The following SYT16 variants were observed in gnomAD, a reference collection of about 807,000 sequenced individuals.
SYT16 encodes the protein synaptotagmin-16.
A neutral mutation model predicts 61.4 loss-of-function variants in SYT16; 42 were observed. That is an observed-to-expected ratio of 0.68 (90% CI 0.53 to 0.89). SYT16 has a LOEUF of 0.89. Among genes scored for constraint, SYT16 ranks in the 40% least tolerant of loss-of-function variants. SYT16 has a pLI of 0.00. For missense variants in SYT16, 804 were observed against 807.3 expected (o/e 1.00, Z 0.05); for synonymous variants, 314 against 302.3 (o/e 1.04, Z -0.40).
At chr14:61,991,374 AC>A (rs1454636003) in intron 2 of SYT16, among the ~76,000 whole-genome samples, 1 of 124,172 alleles carries the variant, frequency 8.1e-6, no homozygotes, top group Admixed American at 8.6e-5. Context: ...TTTCTAAAAC[AC>A]CAGAAGCTAC....
chr14:62,112,114 A>G lies in SYT16; in HGVS notation c.*11407A>G, dbSNP rs2141046121. On this transcript the variant is annotated 3_prime_UTR_variant, in exon 8 of 8. Coordinates refer to ENST00000683842, the MANE Select transcript of SYT16 (RefSeq NM_001367656.1). ...GATGGTTTTAATGTATTACTATCTT[A>G]CTATTATGTATTGTGTTTAAACAAG... The G allele has an allele frequency of 6.6e-6, 1 of 152,260 alleles. No individual in the cohort carries two copies. Among genetic ancestry groups the G allele is most frequent in the East Asian group, 1.9e-4 (1 of 5,188 alleles). The allele number at this position is 152,260 out of a possible 1,614,324, so 9.4% of individuals were successfully genotyped here.
chr14:61,901,901 A>G (rs1339425539), intron 1 of SYT16, among the ~76,000 whole-genome samples: 3 of 151,946 alleles, frequency 2.0e-5, no homozygotes, highest in Non-Finnish European at 4.4e-5. Flanking sequence ...AGCTGGGATT[A>G]CAGGCACACT....
chr14:62,003,712 T>C (rs956737579), intron 3 of SYT16, among the ~76,000 whole-genome samples: 2 of 152,104 alleles, frequency 1.3e-5, no homozygotes, highest in Admixed American at 6.6e-5. Flanking sequence ...CTGGGTAGCA[T>C]GTTTGGGCTG....
At position 62,108,570 on chromosome 14, in the gene SYT16, C is replaced by G. The variant is rs970336366; in HGVS notation, c.*7863C>G. On this transcript the variant is annotated 3_prime_UTR_variant, in exon 8 of 8. Transcript: ENST00000683842. ...TGACCAAAGCTTACTAATTTTGCCA[C>G]ATTTCCTTGTGGGTTATGATAATCT... 1.3e-5 allele frequency: 2 copies of G among 152,182 alleles called. No homozygotes were observed. Among genetic ancestry groups the G allele is most frequent in the Non-Finnish European group, 2.9e-5 (2 of 68,014 alleles). 9.4% of individuals were successfully genotyped at this position (152,182 alleles called of 1,614,324 possible).
intron 5 of SYT16, among the ~76,000 whole-genome samples, chr14:62,080,357 C>T (rs1265212865): frequency 6.6e-6 from 1 of 152,190 alleles, no homozygotes; most frequent in African/African-American, 2.4e-5. Context: ...TGAAAATATA[C>T]TGAAGCATCA....
chr14:61,846,185 A>C (rs1594749353), intron 1 of SYT16, among the ~76,000 whole-genome samples: 1 of 152,294 alleles, frequency 6.6e-6, no homozygotes, highest in Non-Finnish European at 1.5e-5. Context: ...AGTGCAGATT[A>C]AATCTGATGT....
At chr14:62,034,325 A>G (rs2054422254) in intron 3 of SYT16, among the ~76,000 whole-genome samples, 1 of 152,194 alleles carries the variant, frequency 6.6e-6, no homozygotes, top group Non-Finnish European at 1.5e-5. Flanking sequence ...TAGAGTTACC[A>G]TAGAACCCAG....
intron 1 of SYT16, among the ~76,000 whole-genome samples, chr14:61,820,625 G>A (rs2045592134): frequency 6.6e-6 from 1 of 151,946 alleles, no homozygotes; most frequent in Non-Finnish European, 1.5e-5. Context: ...GGGATTACAA[G>A]TGCCTGCCAC....
intron 6 of SYT16, among the ~76,000 whole-genome samples, chr14:62,082,847 A>G (rs768678867): frequency 1.2e-4 from 19 of 152,348 alleles, no homozygotes; most frequent in Non-Finnish European, 2.4e-4. Flanking sequence ...AGAACTTTGC[A>G]GGTGGAAGTC....
At chr14:62,070,276 C>T (rs183270434) in intron 4 of SYT16, among the ~76,000 whole-genome samples, 68 of 152,260 alleles carry the variant, frequency 4.5e-4, no homozygotes, top group African/African-American at 1.5e-3. Context: ...AATTAGTTTG[C>T]ATTACGAAAT....
chr14:61,855,995 G>T (rs28595344), intron 1 of SYT16, among the ~76,000 whole-genome samples: 1 of 152,282 alleles, frequency 6.6e-6, no homozygotes, highest in East Asian at 1.9e-4. Context: ...GTCTGCAAAG[G>T]GATATAAAAA....
At chr14:61,968,474 G>A (rs1373904793) in intron 1 of SYT16, among the ~76,000 whole-genome samples, 2 of 152,112 alleles carry the variant, frequency 1.3e-5, no homozygotes, top group Non-Finnish European at 2.9e-5. Flanking sequence ...CAAAAAGCTA[G>A]AGAGAAGAGG....
At chr14:62,045,503 C>G (rs1173334490) in intron 3 of SYT16, among the ~76,000 whole-genome samples, 1 of 151,964 alleles carries the variant, frequency 6.6e-6, no homozygotes, top group East Asian at 1.9e-4. Flanking sequence ...ACACAACGTG[C>G]AGGTTTGTTA....
intron 5 of SYT16, 83 bp from the exon 6 acceptor site, chr14:62,080,751 G>A (rs7148330): frequency 0.26 from 361,003 of 1,369,090 alleles, 50,891 homozygotes; most frequent in African/African-American, 0.48. Flanking sequence ...GGATTCTGAA[G>A]GAGCACAAAG....
chr14:62,019,508 T>G (rs1471230717), intron 3 of SYT16, among the ~76,000 whole-genome samples: 2 of 152,208 alleles, frequency 1.3e-5, no homozygotes, highest in Non-Finnish European at 2.9e-5. Flanking sequence ...TCTAGTTAGA[T>G]GTGAGAAGCT....
At chr14:62,033,523 G>C (rs1411501790) in intron 3 of SYT16, among the ~76,000 whole-genome samples, 1 of 152,122 alleles carries the variant, frequency 6.6e-6, no homozygotes, top group Non-Finnish European at 1.5e-5. Context: ...CAGTTGAGTT[G>C]TTTTACAAGT....
At chr14:62,061,843 A>G (rs1280135613) in intron 3 of SYT16, among the ~76,000 whole-genome samples, 1 of 152,202 alleles carries the variant, frequency 6.6e-6, no homozygotes, top group South Asian at 2.1e-4. Context: ...AATGAAAAAA[A>G]ACAGCAAGTA....
chr14:62,028,702 T>C (rs1265676247), intron 3 of SYT16, among the ~76,000 whole-genome samples: 1 of 152,182 alleles, frequency 6.6e-6, no homozygotes, highest in African/African-American at 2.4e-5. Context: ...AATGTTACCA[T>C]TCTGAGAGAC....
intron 2 of SYT16, among the ~76,000 whole-genome samples, chr14:61,994,729 G>A (rs888126905): frequency 2.0e-5 from 3 of 152,166 alleles, no homozygotes; most frequent in Non-Finnish European, 4.4e-5. Context: ...TAACTGAAAT[G>A]TGGGCTGTAT....
Sources: gnomAD v4.1 joint callset for allele counts (sites outside exome capture counted in the v4.1 genomes callset) on GRCh38, gnomAD v4.1.1 for gene constraint, MANE v1.5 for transcripts, NCBI Gene and HGNC (gene_info 2026-07-23, HGNC 2026-07-21) for gene names.